TNFAIP6: variants seen among roughly 807,000 people sequenced by gnomAD.
The protein encoded by TNFAIP6 is tumor necrosis factor-inducible gene 6 protein.
TNFAIP6 carries 36 observed loss-of-function variants against 33.7 expected under a neutral mutation model. That is an observed-to-expected ratio of 1.07 (90% confidence interval 0.82 to 1.41). The LOEUF (loss-of-function observed/expected upper bound fraction) is 1.41. Ranked by LOEUF, TNFAIP6 falls within the 40% of genes most tolerant of loss-of-function variation. The pLI, the probability that TNFAIP6 is intolerant of heterozygous loss-of-function variation, is 0.00. For missense variants in TNFAIP6, 273 were observed against 331.9 expected, an observed-to-expected ratio of 0.82 and a Z score of 1.38; for synonymous variants, 113 against 112.8, an observed-to-expected ratio of 1.00 and a Z score of -0.01.
chr2:151,379,551 A>G lies in TNFAIP6; in HGVS notation c.*18A>G. The G allele has an allele frequency of 6.7e-7, 1 of 1,499,520 alleles. No homozygotes were observed. The highest frequency in any genetic ancestry group is 8.9e-7 in the Non-Finnish European group (1 of 1,117,920). The allele number at this position is 1,499,520 out of a possible 1,614,324, so 92.9% of individuals were successfully genotyped here. A position where few individuals can be genotyped will look rare whatever the true frequency, so the allele number is the denominator to read the frequency against. Reference sequence around the variant, plus strand: ...ACTTATAAAAAAAAAAAAAAGGATGATCAAAACACACAGTGTTTATGTTGG... The same window carrying G: ...ACTTATAAAAAAAAAAAAAAGGATGGTCAAAACACACAGTGTTTATGTTGG... On this transcript the variant is annotated 3_prime_UTR_variant, in exon 6 of 6. Coordinates refer to ENST00000243347, the MANE Select transcript of TNFAIP6 (RefSeq NM_007115.4).
intron 1 of TNFAIP6, among the ~76,000 whole-genome samples, chr2:151,361,045 A>T (rs1684616235): frequency 6.6e-6 from 1 of 151,870 alleles, no homozygotes. Flanking sequence ...TTATTTTTTT[A>T]AATCTGTTAA....
intron 5 of TNFAIP6, among the ~76,000 whole-genome samples, chr2:151,378,246 T>C (rs1573788120): frequency 6.6e-6 from 1 of 152,138 alleles, no homozygotes; most frequent in Non-Finnish European, 1.5e-5. Flanking sequence ...AAGATATAAA[T>C]ATTCCTATAT....
chr2:151,378,005 C>T (rs1172218495), intron 5 of TNFAIP6, among the ~76,000 whole-genome samples: 1 of 152,154 alleles, frequency 6.6e-6, no homozygotes, highest in African/African-American at 2.4e-5. Context: ...CCTCACCTCG[C>T]AGTGTTGTTG....
chr2:151,369,279 A>C (rs1684771309), intron 3 of TNFAIP6, among the ~76,000 whole-genome samples: 1 of 152,160 alleles, frequency 6.6e-6, no homozygotes, highest in Non-Finnish European at 1.5e-5. Context: ...TTTTAAAAGT[A>C]CAATTAATTA....
chr2:151,373,513 T>C (rs754502971), intron 4 of TNFAIP6, 36 bp from the exon 5 acceptor site: 1 of 1,401,396 alleles, frequency 7.1e-7, no homozygotes, highest in Non-Finnish European at 9.8e-7. Context: ...TAATATTCAT[T>C]TGTGTGACAT....
At chr2:151,365,139 A>G (rs991851578) in intron 2 of TNFAIP6, among the ~76,000 whole-genome samples, 2 of 152,172 alleles carry the variant, frequency 1.3e-5, no homozygotes, top group African/African-American at 4.8e-5. Context: ...TCAGGAGTTC[A>G]AGACCAGCCT....
In TNFAIP6 at chr2:151,357,762, T is replaced by C. The variant is rs763667838; in HGVS notation, c.94+2T>C. Reference sequence around the variant, plus strand: ...TTTTTCATAACTCCATATGGCTTGGTAAGAACCTTCACTCATGAGCCTCTT... The same window carrying C: ...TTTTTCATAACTCCATATGGCTTGGCAAGAACCTTCACTCATGAGCCTCTT... On this transcript the variant is annotated splice_donor_variant, in intron 1 of 5. Coordinates refer to ENST00000243347, the MANE Select transcript of TNFAIP6 (RefSeq NM_007115.4). LOFTEE classifies it high-confidence loss of function. The C allele has an allele frequency of 3.2e-6, 5 of 1,584,226 alleles. No individual in the cohort carries two copies. The highest frequency in any genetic ancestry group is 4.3e-6 in the Non-Finnish European group (5 of 1,153,454).
At chr2:151,366,367 C>T in intron 3 of TNFAIP6, 150 bp downstream of exon 3, 1 of 660,198 alleles carries the variant, frequency 1.5e-6, no homozygotes. Context: ...AGTGCTTATA[C>T]TATACCCGAC....
chr2:151,360,997 A>T (rs978819855), intron 1 of TNFAIP6, among the ~76,000 whole-genome samples: 13 of 152,228 alleles, frequency 8.5e-5, no homozygotes, highest in South Asian at 8.3e-4. Flanking sequence ...AAAGATTTTT[A>T]AAAAATGAAA....
intron 1 of TNFAIP6, among the ~76,000 whole-genome samples, chr2:151,361,117 C>T (rs754061853): frequency 1.9e-4 from 29 of 151,906 alleles, no homozygotes; most frequent in Non-Finnish European, 2.6e-4. Flanking sequence ...ACTCTGTCGC[C>T]CAGGCTGGGG....
downstream of TNFAIP6, among the ~76,000 whole-genome samples, chr2:151,381,273 C>T (rs191939593): frequency 6.0e-4 from 91 of 152,106 alleles, no homozygotes; most frequent in Non-Finnish European, 1.0e-3. Context: ...GAGTTCAAAA[C>T]CAGGCTGGGC....
intron 5 of TNFAIP6, among the ~76,000 whole-genome samples, chr2:151,374,234 AC>A (rs922787151): frequency 1.1e-4 from 17 of 151,822 alleles, no homozygotes; most frequent in Non-Finnish European, 2.2e-4. Flanking sequence ...AATATTGCCC[AC>A]CCCCCCATTA....
chr2:151,375,049 C>CGGGAG (rs1558901557), intron 5 of TNFAIP6, among the ~76,000 whole-genome samples: 1 of 143,100 alleles, frequency 7.0e-6, no homozygotes, highest in African/African-American at 2.5e-5. Flanking sequence ...TGCTTGAACC[C>CGGGAG]GGGAGGCAGA....
intron 3 of TNFAIP6, among the ~76,000 whole-genome samples, chr2:151,368,653 G>A (rs1684757882): frequency 6.6e-6 from 1 of 151,830 alleles, no homozygotes; most frequent in African/African-American, 2.4e-5. Context: ...TAGGATTAGG[G>A]TATTAGTTTA....
chr2:151,366,830 AT>A (rs1684720678), intron 3 of TNFAIP6, among the ~76,000 whole-genome samples: 1 of 152,146 alleles, frequency 6.6e-6, no homozygotes, highest in African/African-American at 2.4e-5. Flanking sequence ...TATACCATAT[AT>A]TTTTATTCAT....
chr2:151,365,128 C>T (rs193100611), intron 2 of TNFAIP6, among the ~76,000 whole-genome samples: 1 of 152,208 alleles, frequency 6.6e-6, no homozygotes, highest in East Asian at 1.9e-4. Flanking sequence ...ACTGCTTGAG[C>T]TCAGGAGTTC....
chr2:151,364,789 A>T (rs945652828), intron 2 of TNFAIP6, among the ~76,000 whole-genome samples: 1 of 152,140 alleles, frequency 6.6e-6, no homozygotes, highest in African/African-American at 2.4e-5. Context: ...TTGATACATT[A>T]CTCAAGAAAA....
At chr2:151,377,796 A>AT (rs912171116) in intron 5 of TNFAIP6, among the ~76,000 whole-genome samples, 15 of 149,962 alleles carry the variant, frequency 1.0e-4, no homozygotes, top group African/African-American at 3.2e-4. Flanking sequence ...CTCGTGCAAA[A>AT]TTTTTTTTTT....
At chr2:151,371,140 A>G (rs755131785) in intron 4 of TNFAIP6, among the ~76,000 whole-genome samples, 1 of 152,118 alleles carries the variant, frequency 6.6e-6, no homozygotes, top group Non-Finnish European at 1.5e-5. Context: ...TGTGCTAAGT[A>G]TTATGGAAGT....
Sources: gnomAD v4.1 joint callset for allele counts (sites outside exome capture counted in the v4.1 genomes callset) on GRCh38, gnomAD v4.1.1 for gene constraint, MANE v1.5 for transcripts, NCBI Gene and HGNC (gene_info 2026-07-23, HGNC 2026-07-21) for gene names.